The following ARHGAP31 variants were observed in gnomAD, a reference collection of about 807,000 sequenced individuals.
ARHGAP31 encodes the protein Rho GTPase activating protein 31, also known as rho GTPase-activating protein 31.
ARHGAP31 carries 34 observed loss-of-function variants against 113.9 expected under a neutral mutation model. The ratio of observed to expected loss-of-function variants is 0.30; its 90% confidence interval spans 0.23 to 0.40. ARHGAP31 has a LOEUF of 0.40. ARHGAP31 is among the 10% of genes least tolerant of loss of function. The probability of loss-of-function intolerance (pLI) is 1.00; values close to 1 mark genes in which losing one functional copy is unlikely to be tolerated. For synonymous variants in ARHGAP31, 650 were observed against 684.8 expected (o/e 0.95, Z 0.79); for missense variants, 1,548 against 1,767.1 (o/e 0.88, Z 2.22).
chr3:119,337,475 C>T (rs561614371), intron 1 of ARHGAP31, among the ~76,000 whole-genome samples: 197 of 152,198 alleles, frequency 1.3e-3, no homozygotes, highest in Non-Finnish European at 1.8e-3. Context: ...CTGCAAAAAG[C>T]AAAAGAACAA....
intron 3 of ARHGAP31, among the ~76,000 whole-genome samples, chr3:119,369,618 G>A (rs972281832): frequency 6.6e-6 from 1 of 152,198 alleles, no homozygotes; most frequent in Non-Finnish European, 1.5e-5. Context: ...TCTTAAAAAT[G>A]GGCTTGGGCT....
intron 1 of ARHGAP31, among the ~76,000 whole-genome samples, chr3:119,321,496 AGT>A (rs1257223464): frequency 1.3e-5 from 2 of 149,960 alleles, no homozygotes; most frequent in Non-Finnish European, 3.0e-5. Context: ...ATTTCCTTCA[AGT>A]GTTTTTTTTC....
chr3:119,304,453 C>G (rs2079612611), intron 1 of ARHGAP31, among the ~76,000 whole-genome samples: 1 of 152,044 alleles, frequency 6.6e-6, no homozygotes, highest in Admixed American at 6.6e-5. Context: ...GGTGGTTGGT[C>G]TCTAGAGGCA....
intron 1 of ARHGAP31, among the ~76,000 whole-genome samples, chr3:119,316,217 C>A (rs2079729014): frequency 6.6e-6 from 1 of 152,216 alleles, no homozygotes; most frequent in Non-Finnish European, 1.5e-5. Context: ...ACCTGTCTAA[C>A]TTGTCTCATG....
At chr3:119,306,029 C>G (rs1165966422) in intron 1 of ARHGAP31, among the ~76,000 whole-genome samples, 2 of 152,194 alleles carry the variant, frequency 1.3e-5, no homozygotes, top group African/African-American at 2.4e-5. Context: ...AGGGCTAGTT[C>G]TCTGGGTACA....
intron 3 of ARHGAP31, among the ~76,000 whole-genome samples, chr3:119,372,803 T>C (rs2080313380): frequency 6.6e-6 from 1 of 152,218 alleles, no homozygotes; most frequent in African/African-American, 2.4e-5. Context: ...ATCATTAAAA[T>C]GAGGCTCAGG....
At chr3:119,346,783 A>C (rs1158897004) in intron 1 of ARHGAP31, among the ~76,000 whole-genome samples, 1 of 152,246 alleles carries the variant, frequency 6.6e-6, no homozygotes. Context: ...TCACTTTTCA[A>C]ATCACTCTGG....
At chr3:119,381,125 A>G (rs2080393395) in intron 4 of ARHGAP31, 139 bp downstream of exon 4, 3 of 807,612 alleles carry the variant, frequency 3.7e-6, no homozygotes, top group Non-Finnish European at 6.3e-6. Context: ...GAAGTTGGTG[A>G]ACAGGTCACT....
chr3:119,368,308 A>C, intron 2 of ARHGAP31, 64 bp from the exon 3 acceptor site: 2 of 1,584,104 alleles, frequency 1.3e-6, no homozygotes, highest in Non-Finnish European at 1.7e-6. Flanking sequence ...TAAGCAGCCA[A>C]GCAGCTGCTG....
chr3:119,391,963 G>T (rs1204873251), intron 7 of ARHGAP31, among the ~76,000 whole-genome samples: 1 of 152,058 alleles, frequency 6.6e-6, no homozygotes, highest in Admixed American at 6.5e-5. Context: ...TGATCCTCCA[G>T]AGATCAGGAA....
At chr3:119,394,110 G>A (rs2080527459) in intron 8 of ARHGAP31, among the ~76,000 whole-genome samples, 1 of 152,140 alleles carries the variant, frequency 6.6e-6, no homozygotes, top group African/African-American at 2.4e-5. Context: ...TTAAACTGAG[G>A]TTAGGAATTT....
chr3:119,400,181 C>A (rs2080588206), intron 9 of ARHGAP31, among the ~76,000 whole-genome samples: 1 of 152,174 alleles, frequency 6.6e-6, no homozygotes, highest in African/African-American at 2.4e-5. Context: ...CCTGTAATCC[C>A]AGCACTTTGG....
chr3:119,366,815 G>A (rs1298891791), intron 2 of ARHGAP31, among the ~76,000 whole-genome samples: 4 of 151,790 alleles, frequency 2.6e-5, no homozygotes, highest in Non-Finnish European at 5.9e-5. Flanking sequence ...TTAAAACATA[G>A]CATGGGCCGG....
In ARHGAP31 at chr3:119,380,980, A is replaced by T; in HGVS notation, c.425A>T (p.His142Leu). 1 of 1,614,004 alleles carries T rather than the reference A, an allele frequency of 6.2e-7. No individual in the cohort carries two copies. Among genetic ancestry groups the T allele is most frequent in the Non-Finnish European group, 8.5e-7 (1 of 1,179,878 alleles). ...GTTATCCAGGAGCTTCCTCCATCCC[A>T]CTATAGGTAAGAATGGTTGGGAAAA... is the stretch of plus-strand genomic sequence containing the variant. ...QNVIQELPPS[H>L]YRTLEYLIRH... The change falls in exon 4 of 12, where the codon CAC becomes CTC. Residue 142 changes from histidine to leucine, a missense_variant. His to Leu is a moderately conservative substitution (Grantham distance 99). Coordinates refer to ENST00000264245, the MANE Select transcript of ARHGAP31 (RefSeq NM_020754.4).
At chr3:119,405,466 G>A (rs879353910) in intron 10 of ARHGAP31, among the ~76,000 whole-genome samples, 4 of 152,114 alleles carry the variant, frequency 2.6e-5, no homozygotes, top group Admixed American at 6.5e-5. Context: ...CATGGGAAAG[G>A]GCTAGAGGAA....
chr3:119,382,510 C>A, intron 5 of ARHGAP31, 111 bp downstream of exon 5: 1 of 1,029,516 alleles, frequency 9.7e-7, no homozygotes, highest in Non-Finnish European at 1.5e-6. Flanking sequence ...AAATCTGTGG[C>A]TTAAGTGGTC....
intron 1 of ARHGAP31, among the ~76,000 whole-genome samples, chr3:119,300,695 G>C (rs1189539867): frequency 6.6e-6 from 1 of 151,880 alleles, no homozygotes; most frequent in African/African-American, 2.4e-5. Context: ...TAGCTGAGTG[G>C]CGGGGTCTGT....
intron 7 of ARHGAP31, 69 bp downstream of exon 7, chr3:119,391,052 C>A: frequency 6.5e-7 from 1 of 1,544,982 alleles, no homozygotes; most frequent in Non-Finnish European, 8.9e-7. Flanking sequence ...GAGAGGTATA[C>A]AGTCTCAGGA....
At chr3:119,336,450 CACCTTGCAT>C (rs1367797386) in intron 1 of ARHGAP31, among the ~76,000 whole-genome samples, 23 of 152,204 alleles carry the variant, frequency 1.5e-4, no homozygotes, top group African/African-American at 5.1e-4. Context: ...GGGAGAGGGA[CACCTTGCAT>C]ACCCAAAATA....
Sources: gnomAD v4.1 joint callset for allele counts (sites outside exome capture counted in the v4.1 genomes callset) on GRCh38, gnomAD v4.1.1 for gene constraint, MANE v1.5 for transcripts, NCBI Gene and HGNC (gene_info 2026-07-23, HGNC 2026-07-21) for gene names.